Variants in DKK2 observed in about 807,000 individuals in gnomAD.
DKK2 encodes the protein dickkopf-related protein 2.
Under a neutral mutation model 28.1 loss-of-function variants are expected in DKK2, and 11 were observed. The observed-to-expected ratio is 0.39, with a 90% CI of 0.25 to 0.65. DKK2 has a LOEUF of 0.65. DKK2 is among the 30% of genes least tolerant of loss of function. DKK2 has a pLI of 0.47. For missense variants in DKK2, 326 were observed against 335.5 expected (o/e 0.97, Z 0.22); for synonymous variants, 135 against 126.5 (o/e 1.07, Z -0.45).
chr4:106,941,037 A>T (rs914020025), intron 1 of DKK2, among the ~76,000 whole-genome samples: 14 of 152,170 alleles, frequency 9.2e-5, no homozygotes, highest in Admixed American at 9.2e-4. Context: ...GCAGCGCACC[A>T]GCATGGCACA....
intron 1 of DKK2, among the ~76,000 whole-genome samples, chr4:106,976,831 G>A (rs1433160024): frequency 6.6e-6 from 1 of 151,988 alleles, no homozygotes; most frequent in Non-Finnish European, 1.5e-5. Flanking sequence ...TTCTTCAAAG[G>A]GTCGATGGTC....
Position 107,035,779 on chromosome 4 carries a change from G to A in DKK2, c.-188C>T, listed in dbSNP as rs1235006253. 5 of 613,390 alleles carry A rather than the reference G, an allele frequency of 8.2e-6. No individual in the cohort carries two copies. The highest frequency in any genetic ancestry group is 1.4e-5 in the Non-Finnish European group (5 of 349,924). 38.0% of individuals were successfully genotyped at this position (613,390 alleles called of 1,614,324 possible). A position where few individuals can be genotyped will look rare whatever the true frequency, so the allele number is the denominator to read the frequency against. The stretch of plus-strand genomic sequence containing the variant: ...GTCTCACGCCTCAGGACAGAAATTA[G>A]CGGAACCCAAGCGAGACCCGCTTCT... On this transcript the variant is annotated 5_prime_UTR_variant, in exon 1 of 4. Transcript: ENST00000285311.
chr4:107,035,489 G>T lies in DKK2; in HGVS notation c.103C>A (p.Leu35Ile). The T allele has an allele frequency of 6.2e-7, 1 of 1,614,208 alleles. No individual in the cohort carries two copies. Among genetic ancestry groups the T allele is most frequent in the Non-Finnish European group, 8.5e-7 (1 of 1,180,048 alleles). The part of the protein sequence containing the change: ...SSQIGSSRAK[L>I]NSIKSSLGGE... ...CCCAGAGAGGACTTGATGGAGTTGA[G>T]TTTGGCCCGCGAACTGCCGATCTGT... Residue 35 changes from leucine (L) to isoleucine (I), a missense_variant, in exon 1 of 4, where the codon CTC becomes ATC. Coordinates refer to ENST00000285311, the MANE Select transcript of DKK2 (RefSeq NM_014421.3).
At chr4:106,997,182 C>T (rs1723284720) in intron 1 of DKK2, among the ~76,000 whole-genome samples, 1 of 152,046 alleles carries the variant, frequency 6.6e-6, no homozygotes, top group Non-Finnish European at 1.5e-5. Flanking sequence ...AGTTATAATA[C>T]AGAGAATAAC....
chr4:106,928,776 C>G (rs1724459078), intron 1 of DKK2, among the ~76,000 whole-genome samples: 1 of 152,136 alleles, frequency 6.6e-6, no homozygotes, highest in Admixed American at 6.5e-5. Flanking sequence ...TCTTACTAAG[C>G]ATAATGCATT....
chr4:107,004,658 C>CT (rs1723411162), intron 1 of DKK2, among the ~76,000 whole-genome samples: 1 of 152,166 alleles, frequency 6.6e-6, no homozygotes, highest in Non-Finnish European at 1.5e-5. Flanking sequence ...GATATCTATC[C>CT]TTGGAACCTG....
chr4:106,948,730 C>A (rs1724814838), intron 1 of DKK2, among the ~76,000 whole-genome samples: 1 of 152,160 alleles, frequency 6.6e-6, no homozygotes, highest in Non-Finnish European at 1.5e-5. Context: ...GGCACAGTGC[C>A]TGGCATATAG....
chr4:106,941,633 C>G (rs575600019), intron 1 of DKK2, among the ~76,000 whole-genome samples: 1 of 152,116 alleles, frequency 6.6e-6, no homozygotes, highest in African/African-American at 2.4e-5. Context: ...TCCTTCTAAT[C>G]GTCACTGGGT....
chr4:106,953,455 T>TA (rs970409707), intron 1 of DKK2, among the ~76,000 whole-genome samples: 7 of 152,138 alleles, frequency 4.6e-5, no homozygotes, highest in African/African-American at 1.7e-4. Flanking sequence ...AAAGTGCTTT[T>TA]AAAAAATCAC....
At chr4:106,969,756 A>G (rs1303600756) in intron 1 of DKK2, among the ~76,000 whole-genome samples, 1 of 152,112 alleles carries the variant, frequency 6.6e-6, no homozygotes, top group Non-Finnish European at 1.5e-5. Flanking sequence ...CAAAAGGAAA[A>G]GGCTGATGAA....
At chr4:107,017,813 G>GCATTTGC (rs1039959149) in intron 1 of DKK2, among the ~76,000 whole-genome samples, 2 of 151,934 alleles carry the variant, frequency 1.3e-5, no homozygotes, top group East Asian at 1.9e-4. Context: ...GCTATGAAAA[G>GCATTTGC]TTTTATACAT....
intron 1 of DKK2, among the ~76,000 whole-genome samples, chr4:106,935,694 C>A (rs939299122): frequency 6.6e-6 from 1 of 152,216 alleles, no homozygotes; most frequent in African/African-American, 2.4e-5. Context: ...CAGCAGTAAC[C>A]TCTGCAGACT....
chr4:106,934,019 TAC>T (rs1724540494), intron 1 of DKK2, among the ~76,000 whole-genome samples: 1 of 150,682 alleles, frequency 6.6e-6, no homozygotes, highest in Non-Finnish European at 1.5e-5. Context: ...TATACATATA[TAC>T]ACACACTATA....
chr4:106,966,391 T>C (rs539002266), intron 1 of DKK2, among the ~76,000 whole-genome samples: 1 of 152,290 alleles, frequency 6.6e-6, no homozygotes, highest in African/African-American at 2.4e-5. Flanking sequence ...CTTATATACA[T>C]TTTACACAAT....
At chr4:106,955,213 T>C (rs1445254164) in intron 1 of DKK2, among the ~76,000 whole-genome samples, 2 of 151,192 alleles carry the variant, frequency 1.3e-5, no homozygotes, top group Non-Finnish European at 2.9e-5. Context: ...TTATTTCTTA[T>C]AATGTTTAAT....
At chr4:106,983,470 T>G (rs1723065087) in intron 1 of DKK2, among the ~76,000 whole-genome samples, 1 of 152,030 alleles carries the variant, frequency 6.6e-6, no homozygotes, top group East Asian at 1.9e-4. Context: ...ATCACAGACT[T>G]ACATGTAACA....
intron 1 of DKK2, among the ~76,000 whole-genome samples, chr4:106,941,247 A>G (rs930118158): frequency 6.6e-6 from 1 of 151,952 alleles, no homozygotes; most frequent in Non-Finnish European, 1.5e-5. Context: ...AAGTCTGTTT[A>G]TTTTTCTGGA....
intron 1 of DKK2, among the ~76,000 whole-genome samples, chr4:107,005,139 G>A (rs1034698679): frequency 2.0e-5 from 3 of 151,924 alleles, no homozygotes; most frequent in Admixed American, 2.0e-4. Flanking sequence ...TGAGGAGATC[G>A]AGACCATCCT....
intron 1 of DKK2, among the ~76,000 whole-genome samples, chr4:106,963,056 G>A (rs539454007): frequency 3.3e-4 from 47 of 140,560 alleles, no homozygotes; most frequent in African/African-American, 1.0e-3. Context: ...ACGAAACTGC[G>A]TCTCAAAACA....
Sources: gnomAD v4.1 joint callset for allele counts (sites outside exome capture counted in the v4.1 genomes callset) on GRCh38, gnomAD v4.1.1 for gene constraint, MANE v1.5 for transcripts, NCBI Gene and HGNC (gene_info 2026-07-23, HGNC 2026-07-21) for gene names.